The following CLEC4C variants were observed in gnomAD, a reference collection of about 807,000 sequenced individuals.
CLEC4C encodes the protein C-type (calcium dependent, carbohydrate-recognition domain) lectin, superfamily member 11.
CLEC4C carries 17 observed loss-of-function variants against 27.7 expected under a neutral mutation model. The ratio of observed to expected loss-of-function variants is 0.61; its 90% CI spans 0.42 to 0.92. The LOEUF (loss-of-function observed/expected upper bound fraction) is 0.92, where lower values mean the gene tolerates loss of function less well. Ranked by LOEUF, CLEC4C falls within the 40% of genes least tolerant of loss-of-function variation. CLEC4C has a pLI of 0.00. For missense variants in CLEC4C, 244 were observed against 257.3 expected (o/e 0.95, Z 0.35); for synonymous variants, 80 against 80.8 (o/e 0.99, Z 0.06).
intron 2 of CLEC4C, among the ~76,000 whole-genome samples, chr12:7,741,794 G>A (rs1864862124): frequency 6.6e-6 from 1 of 152,154 alleles, no homozygotes; most frequent in African/African-American, 2.4e-5. Context: ...GCTTTGGGAG[G>A]CCGAGGCTGG....
At chr12:7,731,370 A>C (rs1020406430) in intron 4 of CLEC4C, among the ~76,000 whole-genome samples, 63 of 151,326 alleles carry the variant, frequency 4.2e-4, no homozygotes, top group African/African-American at 1.5e-3. Context: ...ATCCTTAAAA[A>C]CTCTTGGTCT....
chr12:7,734,189 T>G (rs1864667088), intron 4 of CLEC4C, among the ~76,000 whole-genome samples: 1 of 152,240 alleles, frequency 6.6e-6, no homozygotes, highest in Non-Finnish European at 1.5e-5. Flanking sequence ...TATCAATTTA[T>G]CTATTCATTC....
In CLEC4C at chr12:7,743,546, G is replaced by A. The variant is rs137937309; in HGVS notation, c.125-2015C>T. Among the ~76,000 whole-genome samples, 1,361 of 147,182 alleles carry A rather than the reference G, an allele frequency of 9.2e-3. 92 individuals are homozygous for A. In the East Asian group the frequency reaches 0.17, roughly 18 times the overall value. ...ACTACAGGCGCCCGCCACCGCGCCC[G>A]GCTAATTTTTTTTGTATTTTTTTTT... On this transcript the variant is annotated intron_variant, in intron 2 of 5. Coordinates refer to ENST00000360345, the MANE Select transcript of CLEC4C (RefSeq NM_001371390.1).
In CLEC4C at chr12:7,736,563, C is replaced by A. The variant is rs370663406; in HGVS notation, c.381+866G>T. 3.0e-3 allele frequency among the ~76,000 whole-genome samples: 461 copies of A among 152,106 alleles called. 2 individuals carry two copies. Among genetic ancestry groups the A allele is most frequent in the African/African-American group, 0.01 (427 of 41,490 alleles). Reference sequence around the variant, plus strand: ...TTTTAAAATTAAAATTCTTCAGGATCAAATTTCAACATCAATGTTTGCCTG... The same window carrying A: ...TTTTAAAATTAAAATTCTTCAGGATAAAATTTCAACATCAATGTTTGCCTG... On this transcript the variant is annotated intron_variant, in intron 4 of 5. Transcript: ENST00000360345.
chr12:7,734,429 T>C (rs1864672327), intron 4 of CLEC4C, among the ~76,000 whole-genome samples: 1 of 152,180 alleles, frequency 6.6e-6, no homozygotes, highest in Admixed American at 6.5e-5. Context: ...CTTTGAATCA[T>C]TTGGATATTG....
chr12:7,741,561 A>C, intron 2 of CLEC4C, 30 bp from the exon 3 acceptor site: 3 of 1,213,258 alleles, frequency 2.5e-6, no homozygotes, highest in African/African-American at 1.5e-5. Context: ...GTTAGTTCTC[A>C]TTCTTTTAAG....
chr12:7,736,525 T>C (rs772306550), intron 4 of CLEC4C, among the ~76,000 whole-genome samples: 1 of 152,208 alleles, frequency 6.6e-6, no homozygotes, highest in African/African-American at 2.4e-5. Flanking sequence ...TGCCTGAATT[T>C]TTTTTCTTAT....
intron 2 of CLEC4C, 150 bp from the exon 3 acceptor site, chr12:7,741,681 A>G: frequency 3.6e-6 from 2 of 557,400 alleles, no homozygotes; most frequent in Non-Finnish European, 6.5e-6. Context: ...TGAGGTCGGG[A>G]GTTAGAGACC....
At position 7,741,513 on chromosome 12, in the gene CLEC4C, T is replaced by A. The variant is rs148218577; in HGVS notation, c.143A>T (p.Tyr48Phe). Residue 48 changes from tyrosine to phenylalanine, a missense_variant, in exon 3 of 6, where the codon TAT becomes TTT. Coordinates refer to ENST00000360345, the MANE Select transcript of CLEC4C (RefSeq NM_001371390.1). The stretch of plus-strand genomic sequence containing the variant: ...GGACAGCCTCTTGACAGTTTTGCTA[T>A]ACATAAAATTGTGAGGCACTGGGAA... ...VSSVVPHNFM[Y>F]SKTVKRLSKL... The A allele has an allele frequency of 1.9e-6, 3 of 1,603,098 alleles. No individual in the cohort carries two copies. Among genetic ancestry groups the A allele is most frequent in the Non-Finnish European group, 2.6e-6 (3 of 1,170,898 alleles).
intron 2 of CLEC4C, among the ~76,000 whole-genome samples, chr12:7,742,059 A>G (rs1864868701): frequency 6.6e-6 from 1 of 151,972 alleles, no homozygotes; most frequent in Non-Finnish European, 1.5e-5. Flanking sequence ...AGGCGCCTGT[A>G]ATTCCAGTTA....
chr12:7,745,501 C>T (rs898245780), intron 2 of CLEC4C, among the ~76,000 whole-genome samples: 1 of 125,194 alleles, frequency 8.0e-6, no homozygotes, highest in African/African-American at 3.0e-5. Context: ...GGCGTGATCT[C>T]GGCTCACTGC....
intron 4 of CLEC4C, among the ~76,000 whole-genome samples, chr12:7,731,570 AAGG>A (rs1238260969): frequency 1.5e-4 from 23 of 152,174 alleles, no homozygotes; most frequent in Non-Finnish European, 2.4e-4. Context: ...AAAAGAATAA[AAGG>A]AGAAGACCCA....
chr12:7,743,897 A>C (rs1338563167), intron 2 of CLEC4C, among the ~76,000 whole-genome samples: 1 of 152,332 alleles, frequency 6.6e-6, no homozygotes, highest in South Asian at 2.1e-4. Flanking sequence ...CTGTACAGTA[A>C]GTATGGTGCC....
chr12:7,744,103 T>G (rs1023028774), intron 2 of CLEC4C, among the ~76,000 whole-genome samples: 3 of 152,174 alleles, frequency 2.0e-5, no homozygotes, highest in Non-Finnish European at 4.4e-5. Context: ...GGGATCCATC[T>G]GCATCACTCA....
chr12:7,747,498 G>T, upstream of CLEC4C: 1 of 713,628 alleles, frequency 1.4e-6, no homozygotes, highest in South Asian at 1.6e-5. Context: ...CAAAGGAAGA[G>T]ATGTGACTTA....
At chr12:7,737,675 T>G (rs894477117) in intron 3 of CLEC4C, 101 bp from the exon 4 acceptor site, 3 of 1,144,216 alleles carry the variant, frequency 2.6e-6, no homozygotes, top group Non-Finnish European at 3.7e-6. Flanking sequence ...TTTTCACCTA[T>G]GGATCTCCAC....
At chr12:7,747,233 A>C in intron 1 of CLEC4C, 85 bp downstream of exon 1, 3 of 1,193,628 alleles carry the variant, frequency 2.5e-6, no homozygotes, top group Non-Finnish European at 3.8e-6. Context: ...TCTTCTTCCA[A>C]AGTCATCCCT....
intron 2 of CLEC4C, 51 bp from the exon 3 acceptor site, chr12:7,741,582 T>C: frequency 9.9e-7 from 1 of 1,009,826 alleles, no homozygotes; most frequent in Non-Finnish European, 1.6e-6. Flanking sequence ...TGGATCTATG[T>C]TGTACTATAC....
intron 2 of CLEC4C, among the ~76,000 whole-genome samples, chr12:7,743,201 G>T (rs765335915): frequency 1.5e-4 from 23 of 152,078 alleles, no homozygotes; most frequent in Middle Eastern, 3.4e-3. Context: ...AGGTCTTTTG[G>T]TTTTTCCATA....
Sources: gnomAD v4.1 joint callset for allele counts (sites outside exome capture counted in the v4.1 genomes callset) on GRCh38, gnomAD v4.1.1 for gene constraint, MANE v1.5 for transcripts, NCBI Gene and HGNC (gene_info 2026-07-23, HGNC 2026-07-21) for gene names.